PTPRD: variants seen among roughly 807,000 people sequenced by gnomAD.
PTPRD encodes receptor-type tyrosine-protein phosphatase delta.
In PTPRD, 34 loss-of-function variants were observed where a neutral mutation model predicts 214.5. The ratio of observed to expected loss-of-function variants is 0.16; its 90% CI spans 0.12 to 0.21. The LOEUF is 0.21. Among genes scored for constraint, PTPRD ranks in the 10% least tolerant of loss-of-function variants. The pLI is 1.00. For missense variants in PTPRD, 2,545 were observed against 2,398.7 expected, an observed-to-expected ratio of 1.06 and a Z score of -1.27; for synonymous variants, 1,128 against 845.7, an observed-to-expected ratio of 1.33 and a Z score of -5.79.
chr9:8,728,854 C>T (rs1033553870), intron 12 of PTPRD, among the ~76,000 whole-genome samples: 1 of 151,998 alleles, frequency 6.6e-6, no homozygotes, highest in Non-Finnish European at 1.5e-5. Context: ...GTGGCAGGGG[C>T]CTGTAATCCC....
At chr9:9,383,752 G>C (rs2063009264) in intron 9 of PTPRD, among the ~76,000 whole-genome samples, 1 of 152,058 alleles carries the variant, frequency 6.6e-6, no homozygotes, top group Non-Finnish European at 1.5e-5. Context: ...CAAATCTCAA[G>C]TTAATATTTA....
At chr9:10,371,077 C>T (rs2154477579) in intron 2 of PTPRD, among the ~76,000 whole-genome samples, 1 of 151,998 alleles carries the variant, frequency 6.6e-6, no homozygotes, top group Middle Eastern at 3.4e-3. Flanking sequence ...CAAATTTGTG[C>T]TTCTCAGTGA....
intron 12 of PTPRD, among the ~76,000 whole-genome samples, chr9:8,689,232 A>G (rs892510708): frequency 2.0e-5 from 3 of 152,212 alleles, no homozygotes; most frequent in African/African-American, 7.2e-5. Flanking sequence ...ATAAAAAATA[A>G]ACTGTGTGGA....
chr9:9,139,276 T>C (rs749396981), intron 10 of PTPRD, among the ~76,000 whole-genome samples: 2 of 152,260 alleles, frequency 1.3e-5, no homozygotes, highest in Middle Eastern at 6.8e-3. Flanking sequence ...ATACAGCAGG[T>C]CCTCAAATAA....
intron 6 of PTPRD, among the ~76,000 whole-genome samples, chr9:9,757,145 T>G (rs973851607): frequency 1.3e-5 from 2 of 152,318 alleles, no homozygotes; most frequent in Non-Finnish European, 2.9e-5. Context: ...CGAGATTCCC[T>G]TTATGACCAT....
intron 2 of PTPRD, among the ~76,000 whole-genome samples, chr9:10,412,665 C>T (rs1230288640): frequency 1.5e-5 from 2 of 135,156 alleles, no homozygotes; most frequent in African/African-American, 6.1e-5. Flanking sequence ...CACACACACA[C>T]CCCTTGAAGC....
chr9:8,602,796 T>A (rs1023205032), intron 14 of PTPRD, among the ~76,000 whole-genome samples: 2 of 152,238 alleles, frequency 1.3e-5, no homozygotes, highest in African/African-American at 4.8e-5. Context: ...ATATATGCAT[T>A]TGTATATACA....
chr9:9,108,388 T>A (rs1052539796), intron 10 of PTPRD, among the ~76,000 whole-genome samples: 1 of 152,074 alleles, frequency 6.6e-6, no homozygotes, highest in Admixed American at 6.6e-5. Flanking sequence ...AGCGGTTGCA[T>A]TAGTTTAGGT....
chr9:8,429,670 T>C (rs2094917536), intron 35 of PTPRD, among the ~76,000 whole-genome samples: 1 of 152,064 alleles, frequency 6.6e-6, no homozygotes, highest in Non-Finnish European at 1.5e-5. Context: ...AGTGCTGCCA[T>C]GAGAACAGGA....
chr9:8,642,544 G>A (rs947198302), intron 12 of PTPRD, among the ~76,000 whole-genome samples: 1 of 152,178 alleles, frequency 6.6e-6, no homozygotes, highest in African/African-American at 2.4e-5. Context: ...AAGATCAGCT[G>A]AAGTCATCTC....
At chr9:9,809,083 G>A (rs1224776233) in intron 5 of PTPRD, among the ~76,000 whole-genome samples, 6 of 151,794 alleles carry the variant, frequency 4.0e-5, no homozygotes, top group African/African-American at 1.2e-4. Context: ...TCCGTGCCTA[G>A]CCTGAAGAGG....
chr9:10,551,345 TA>T (rs1336728151), intron 2 of PTPRD, among the ~76,000 whole-genome samples: 3 of 152,010 alleles, frequency 2.0e-5, no homozygotes, highest in Non-Finnish European at 4.4e-5. Context: ...TCACCAAAAA[TA>T]AAAAATAAAA....
chr9:10,394,509 T>C (rs773060377), intron 2 of PTPRD, among the ~76,000 whole-genome samples: 9 of 151,746 alleles, frequency 5.9e-5, no homozygotes, highest in Non-Finnish European at 8.8e-5. Context: ...ATAATAATAA[T>C]TGCTACATAA....
At chr9:10,482,063 G>T (rs2099101140) in intron 2 of PTPRD, among the ~76,000 whole-genome samples, 1 of 151,950 alleles carries the variant, frequency 6.6e-6, no homozygotes, top group Admixed American at 6.6e-5. Context: ...ATAAAATGAA[G>T]AAAATAAGAT....
chr9:8,872,856 A>C (rs758096036), intron 11 of PTPRD, among the ~76,000 whole-genome samples: 4 of 152,240 alleles, frequency 2.6e-5, no homozygotes, highest in Non-Finnish European at 4.4e-5. Context: ...AGTACATTTC[A>C]ATAAGGACCC....
chr9:8,919,499 CTATTAT>C (rs1269202649), intron 11 of PTPRD, among the ~76,000 whole-genome samples: 1 of 151,822 alleles, frequency 6.6e-6, no homozygotes, highest in African/African-American at 2.4e-5. Flanking sequence ...CAGACTTGCT[CTATTAT>C]TATAGTTTTC....
At chr9:9,779,373 A>C (rs2154488562) in intron 5 of PTPRD, among the ~76,000 whole-genome samples, 1 of 152,322 alleles carries the variant, frequency 6.6e-6, no homozygotes, top group Admixed American at 6.5e-5. Flanking sequence ...TAAACTAAAC[A>C]GCTTCTGCAC....
chr9:9,566,014 A>C (rs2084405404), intron 8 of PTPRD, among the ~76,000 whole-genome samples: 1 of 151,984 alleles, frequency 6.6e-6, no homozygotes, highest in Non-Finnish European at 1.5e-5. Flanking sequence ...AAGATGAATC[A>C]TTTATTGGCT....
At chr9:9,761,509 T>C (rs1290234308) in intron 6 of PTPRD, among the ~76,000 whole-genome samples, 1 of 152,170 alleles carries the variant, frequency 6.6e-6, no homozygotes, top group African/African-American at 2.4e-5. Context: ...TACAAGGTGA[T>C]AGCATTTTAT....
Sources: allele counts gnomAD v4.1 joint callset (sites outside exome capture counted in the v4.1 genomes callset), GRCh38; gene constraint gnomAD v4.1.1; transcripts MANE v1.5; gene names NCBI Gene and HGNC (gene_info 2026-07-23, HGNC 2026-07-21).